The following UBR2 variants were observed in gnomAD, a reference collection of about 807,000 sequenced individuals.
The protein encoded by UBR2 is E3 ubiquitin-protein ligase UBR2.
Under a neutral mutation model 247.9 loss-of-function variants are expected in UBR2, and 92 were observed. The ratio of observed to expected loss-of-function variants is 0.37; its 90% confidence interval spans 0.31 to 0.44. The LOEUF is 0.44. UBR2 is among the 20% of genes least tolerant of loss of function. The pLI is 1.00. For synonymous variants in UBR2, 672 were observed against 693.5 expected (o/e 0.97, Z 0.49); for missense variants, 1,613 against 2,112.6 (o/e 0.76, Z 4.64).
At position 42,688,309 on chromosome 6, in the gene UBR2, T is replaced by A; in HGVS notation, c.4947T>A (p.Thr1649=). 1 of 1,614,122 alleles carries A rather than the reference T, an allele frequency of 6.2e-7. No homozygotes were observed. Among genetic ancestry groups the A allele is most frequent in the Non-Finnish European group, 8.5e-7 (1 of 1,180,032 alleles). The change falls in exon 45 of 47, where the codon ACT becomes ACA. Residue 1649 remains threonine, a synonymous_variant. Transcript: ENST00000372901. The part of the protein sequence containing the change: ...LLCSQSYCCQ[T]ELEGEDVGAC... The stretch of plus-strand genomic sequence containing the variant: ...GCTCCCAGAGTTACTGCTGCCAGAC[T>A]GAACTGGAAGGGGAGGATGTAGGAG...
At position 42,564,126 on chromosome 6, in the gene UBR2, G is replaced by A. The variant is rs1248797409; in HGVS notation, c.-194G>A. The A allele has an allele frequency of 1.6e-6, 1 of 607,158 alleles. No individual in the cohort carries two copies. Among genetic ancestry groups the A allele is most frequent in the Non-Finnish European group, 2.8e-6 (1 of 357,676 alleles). 37.6% of individuals were successfully genotyped at this position (607,158 alleles called of 1,614,324 possible). The stretch of plus-strand genomic sequence containing the variant: ...TGACTCTTGGGCGCTAAGCTTGGGA[G>A]GGAGCGCAGGAGGCCGCTGTCCTTC... On this transcript the variant is annotated 5_prime_UTR_variant, in exon 1 of 47. Coordinates refer to ENST00000372901, the MANE Select transcript of UBR2 (RefSeq NM_001363705.2).
At chr6:42,662,903 C>G (rs1251805640) in intron 31 of UBR2, among the ~76,000 whole-genome samples, 1 of 151,758 alleles carries the variant, frequency 6.6e-6, no homozygotes, top group Non-Finnish European at 1.5e-5. Flanking sequence ...CAACTGCACT[C>G]CAGCCTGGGC....
At chr6:42,682,687 A>G (rs1020011327) in intron 42 of UBR2, among the ~76,000 whole-genome samples, 7 of 152,130 alleles carry the variant, frequency 4.6e-5, no homozygotes, top group African/African-American at 1.7e-4. Context: ...CCGAAAGTGC[A>G]GGGATTACAG....
At chr6:42,655,401 C>T (rs573962847) in intron 25 of UBR2, among the ~76,000 whole-genome samples, 1 of 149,942 alleles carries the variant, frequency 6.7e-6, no homozygotes, top group African/African-American at 2.5e-5. Flanking sequence ...TCACTTGAAC[C>T]TGGGAGGCAG....
chr6:42,648,844 A>G (rs1027571994), intron 22 of UBR2, among the ~76,000 whole-genome samples: 1 of 152,186 alleles, frequency 6.6e-6, no homozygotes. Flanking sequence ...CTTGGAACAC[A>G]TATTTATAAC....
chr6:42,605,473 C>T (rs1049702286), intron 5 of UBR2, among the ~76,000 whole-genome samples: 1 of 152,144 alleles, frequency 6.6e-6, no homozygotes, highest in East Asian at 1.9e-4. Flanking sequence ...CTCTGAGCTC[C>T]CAGGCCTGTT....
chr6:42,664,270 G>A (rs1187860328), intron 32 of UBR2: 1 of 152,118 alleles, frequency 6.6e-6, no homozygotes, highest in African/African-American at 2.4e-5. Flanking sequence ...CATATTTTTA[G>A]CTCTTTTAGA....
intron 11 of UBR2, 44 bp from the exon 12 acceptor site, chr6:42,632,508 C>G: frequency 6.6e-7 from 1 of 1,510,906 alleles, no homozygotes; most frequent in Non-Finnish European, 8.8e-7. Context: ...CTTCCTAGTA[C>G]ATAGTTTTTG....
intron 2 of UBR2, among the ~76,000 whole-genome samples, chr6:42,586,538 C>CTTTTTTT (rs147830824): frequency 2.1e-3 from 206 of 97,222 alleles, no homozygotes; most frequent in Non-Finnish European, 2.4e-3. Context: ...GTTTGTCTCT[C>CTTTTTTT]TTTTTTTTTT....
chr6:42,665,845 C>T (rs554658926), intron 33 of UBR2, among the ~76,000 whole-genome samples: 1 of 152,134 alleles, frequency 6.6e-6, no homozygotes, highest in African/African-American at 2.4e-5. Flanking sequence ...TTACCAAAGG[C>T]TTCCCAAGTT....
At chr6:42,609,666 C>T (rs1231479242) in intron 7 of UBR2, among the ~76,000 whole-genome samples, 1 of 151,890 alleles carries the variant, frequency 6.6e-6, no homozygotes, top group African/African-American at 2.4e-5. Context: ...AGGCAGATTG[C>T]TTAAACCCAA....
intron 36 of UBR2, among the ~76,000 whole-genome samples, chr6:42,672,489 TACG>T (rs1798504535): frequency 6.6e-6 from 1 of 152,106 alleles, no homozygotes; most frequent in Non-Finnish European, 1.5e-5. Context: ...TCTTCTCTAA[TACG>T]TTATTAGAGG....
Position 42,612,307 on chromosome 6 carries a change from T to C in UBR2, c.985+16T>C. 1 of 1,491,876 alleles carries C rather than the reference T, an allele frequency of 6.7e-7. No homozygotes were observed. The highest frequency in any genetic ancestry group is 9.1e-7 in the Non-Finnish European group (1 of 1,098,400). 92.4% of individuals were successfully genotyped at this position (1,491,876 alleles called of 1,614,324 possible). On this transcript the variant is annotated intron_variant, in intron 8 of 46. Transcript: ENST00000372901. ...GGATATTCAGGTAGGTTCATAAAAG[T>C]TCATGCCAATTGTCTATTAAAAATG... is the stretch of plus-strand genomic sequence containing the variant.
At chr6:42,609,400 G>A (rs1582520544) in intron 7 of UBR2, among the ~76,000 whole-genome samples, 1 of 152,042 alleles carries the variant, frequency 6.6e-6, no homozygotes, top group East Asian at 1.9e-4. Context: ...TGAAAGCTAA[G>A]ATGCACAAAA....
At chr6:42,650,732 T>C (rs1797061477) in intron 23 of UBR2, among the ~76,000 whole-genome samples, 2 of 152,126 alleles carry the variant, frequency 1.3e-5, no homozygotes, top group South Asian at 4.1e-4. Flanking sequence ...TCACCTAACA[T>C]TTTGGAGTTA....
At chr6:42,575,860 C>G (rs1582428777) in intron 2 of UBR2, among the ~76,000 whole-genome samples, 1 of 152,040 alleles carries the variant, frequency 6.6e-6, no homozygotes, top group Non-Finnish European at 1.5e-5. Context: ...ATTAAGTATC[C>G]TCTTCATTAT....
chr6:42,659,849 G>A lies in UBR2; in HGVS notation c.3436G>A (p.Asp1146Asn), dbSNP rs1451983448. The A allele has an allele frequency of 6.2e-7, 1 of 1,613,914 alleles. No homozygotes were observed. Among genetic ancestry groups the A allele is most frequent in the South Asian group, 1.1e-5 (1 of 91,076 alleles). The change falls in exon 30 of 47, where the codon GAT becomes AAT. Residue 1146 changes from aspartate (D) to asparagine (N), a missense_variant. Physicochemically the swap from Asp to Asn is conservative, Grantham distance 23. Transcript: ENST00000372901. The surrounding 1 kb of genome is among the most constrained non-coding windows in gnomAD (Gnocchi z 4.3). ...AAAAAACAGAAGTAAATTTATTCAA[G>A]ATCCAGGTAAGTCATAGCTAGATCC... ...LSKNRSKFIQDPEKYDPLFMH... is the reference protein window; with the variant it reads ...LSKNRSKFIQNPEKYDPLFMH...
In UBR2 at chr6:42,632,889, A is replaced by T; in HGVS notation, c.1530A>T (p.Leu510Phe). Residue 510 changes from leucine (L) to phenylalanine (F), a missense_variant, in exon 13 of 47, where the codon TTA (leucine) becomes TTT (phenylalanine). Physicochemically the swap from Leu to Phe is conservative, Grantham distance 22. Transcript: ENST00000372901. ...AAGGGTTTGATGCCTTTTTGGAATT[A>T]CTAAAATGTATGCAGGTATGTAAAA... ...FLEGFDAFLELLKCMQGMDPI... is the reference protein window; with the variant it reads ...FLEGFDAFLEFLKCMQGMDPI... 6.3e-7 allele frequency: 1 copy of T among 1,587,020 alleles called. No individual in the cohort carries two copies. The highest frequency in any genetic ancestry group is 8.5e-7 in the Non-Finnish European group (1 of 1,171,738).
intron 11 of UBR2, among the ~76,000 whole-genome samples, chr6:42,624,911 T>C (rs1203516046): frequency 6.6e-6 from 1 of 152,232 alleles, no homozygotes; most frequent in Admixed American, 6.5e-5. Flanking sequence ...GCCCCTTTCA[T>C]CATCTTAACC....
Sources: gnomAD v4.1 joint callset for allele counts (sites outside exome capture counted in the v4.1 genomes callset) on GRCh38, gnomAD v4.1.1 for gene constraint, Gnocchi (gnomAD v3.1) non-coding constraint, MANE v1.5 for transcripts, NCBI Gene and HGNC (gene_info 2026-07-23, HGNC 2026-07-21) for gene names.